The following EPHA6 variants were observed in gnomAD, a reference collection of about 807,000 sequenced individuals.
EPHA6 encodes ephrin type-A receptor 6.
In EPHA6, 50 loss-of-function variants were observed where a neutral mutation model predicts 112.0. That is an observed-to-expected ratio of 0.45 (90% CI 0.36 to 0.56). The LOEUF (loss-of-function observed/expected upper bound fraction) is 0.56, where lower values mean the gene tolerates loss of function less well. Ranked by LOEUF, EPHA6 falls within the 20% of genes least tolerant of loss-of-function variation. EPHA6 has a pLI of 0.00. For synonymous variants in EPHA6, 529 were observed against 490.7 expected (o/e 1.08, Z -1.03); for missense variants, 1,280 against 1,417.4 (o/e 0.90, Z 1.56).
rs1456196578 is a variant in EPHA6 at position 96,891,716 on chromosome 3, TAAATAA to T, written c.450+24841_450+24846del. ...AAGAGTGGAACTGTCTCAAAATAAA[TAAATAA>T]AAATAAAAATAAATGCTGGTGATAT... On this transcript the variant is annotated intron_variant, in intron 2 of 17. Coordinates refer to ENST00000389672, the MANE Select transcript of EPHA6 (RefSeq NM_001080448.3). 9.2e-5 allele frequency among the ~76,000 whole-genome samples: 14 copies of T among 151,902 alleles called. 1 individual carries two copies. The highest frequency in any genetic ancestry group is 9.2e-4 in the Admixed American group (14 of 15,262).
intron 12 of EPHA6, among the ~76,000 whole-genome samples, chr3:97,603,248 G>A (rs960577811): frequency 3.9e-5 from 6 of 151,908 alleles, no homozygotes; most frequent in Admixed American, 3.3e-4. Context: ...TAGCAGGAAG[G>A]AGGACATCAC....
At chr3:97,414,225 A>C (rs997049129) in intron 6 of EPHA6, among the ~76,000 whole-genome samples, 6 of 152,110 alleles carry the variant, frequency 3.9e-5, no homozygotes, top group Non-Finnish European at 8.8e-5. Context: ...TTTTTTATAT[A>C]GATTTGTATT....
chr3:97,091,478 A>G (rs750492581), intron 3 of EPHA6, among the ~76,000 whole-genome samples: 3 of 152,142 alleles, frequency 2.0e-5, no homozygotes, highest in African/African-American at 7.2e-5. Context: ...ATGTAAAGCT[A>G]TTTGTGGAGA....
intron 3 of EPHA6, among the ~76,000 whole-genome samples, chr3:96,994,759 A>AGAGAGAGC (rs763682996): frequency 0.03 from 3,471 of 115,694 alleles, 74 homozygotes; most frequent in Middle Eastern, 0.041. Context: ...AGAGAGAGAG[A>AGAGAGAGC]GAGCTATATA....
Position 97,749,978 on chromosome 3 carries a change from T to C in EPHA6, c.*1277T>C, listed in dbSNP as rs1220262998. Among the ~76,000 whole-genome samples the C allele has an allele frequency of 1.3e-5, 2 of 152,134 alleles. No individual in the cohort carries two copies. The highest frequency in any genetic ancestry group is 2.9e-5 in the Non-Finnish European group (2 of 68,020). ...ACATAAAAATGAGAACACAGCTGTGTTGTCATAATCTTCTGAGAGGCTTAA... is the reference window on the plus strand; with the variant it reads ...ACATAAAAATGAGAACACAGCTGTGCTGTCATAATCTTCTGAGAGGCTTAA... On this transcript the variant is annotated 3_prime_UTR_variant, in exon 18 of 18. Transcript: ENST00000389672.
intron 11 of EPHA6, among the ~76,000 whole-genome samples, chr3:97,573,334 G>C (rs187854959): frequency 6.6e-6 from 1 of 152,276 alleles, no homozygotes; most frequent in East Asian, 1.9e-4. Flanking sequence ...TGTGCCTTTA[G>C]ATTATATGAA....
intron 2 of EPHA6, among the ~76,000 whole-genome samples, chr3:96,877,135 C>T (rs1406933335): frequency 3.3e-5 from 5 of 152,066 alleles, no homozygotes; most frequent in African/African-American, 9.7e-5. Flanking sequence ...TATTTTGCAA[C>T]TCTCATTGGA....
At chr3:97,537,479 C>T (rs1440507746) in intron 11 of EPHA6, among the ~76,000 whole-genome samples, 1 of 152,060 alleles carries the variant, frequency 6.6e-6, no homozygotes, top group Non-Finnish European at 1.5e-5. Context: ...TCATTATTTC[C>T]CAATATGGTG....
chr3:96,873,393 A>G (rs538791819), intron 2 of EPHA6, among the ~76,000 whole-genome samples: 16 of 152,230 alleles, frequency 1.1e-4, no homozygotes, highest in African/African-American at 3.8e-4. Context: ...ACTTGTTACA[A>G]TGGAGAAGCT....
rs1004848 is a variant in EPHA6, at chr3:97,733,521, T to A, written c.2935-2404T>A. Among the ~76,000 whole-genome samples, 328 of 152,204 alleles carry A rather than the reference T, an allele frequency of 2.2e-3. 2 individuals carry two copies. The highest frequency in any genetic ancestry group is 7.6e-3 in the African/African-American group (315 of 41,558). On this transcript the variant is annotated intron_variant, in intron 15 of 17. Coordinates refer to ENST00000389672, the MANE Select transcript of EPHA6 (RefSeq NM_001080448.3). ...CCTCTATCAAGACAAATCCAAAAAT[T>A]TCTTCTAATAGCATTTGTTTAGGTC...
chr3:97,744,611 G>C (rs1467590580), intron 16 of EPHA6, among the ~76,000 whole-genome samples: 1 of 151,984 alleles, frequency 6.6e-6, no homozygotes, highest in Non-Finnish European at 1.5e-5. Flanking sequence ...TGGTATTAAA[G>C]CATTCTGGAA....
At chr3:97,054,962 C>G (rs1404470250) in intron 3 of EPHA6, among the ~76,000 whole-genome samples, 1 of 152,002 alleles carries the variant, frequency 6.6e-6, no homozygotes, top group Non-Finnish European at 1.5e-5. Context: ...AAAATTTCCC[C>G]CCTTTGGGAA....
At chr3:96,900,540 A>T in intron 2 of EPHA6, among the ~76,000 whole-genome samples, 1 of 152,222 alleles carries the variant, frequency 6.6e-6, no homozygotes, top group East Asian at 1.9e-4. Flanking sequence ...ATGGATAGGG[A>T]GGGCCAATTA....
chr3:97,498,590 G>A (rs2092040736), intron 10 of EPHA6, among the ~76,000 whole-genome samples: 1 of 152,118 alleles, frequency 6.6e-6, no homozygotes, highest in African/African-American at 2.4e-5. Context: ...GGCCTGGTAA[G>A]GGTCACTTGT....
chr3:97,363,409 AAT>A (rs1467286703), intron 5 of EPHA6, among the ~76,000 whole-genome samples: 2 of 150,950 alleles, frequency 1.3e-5, no homozygotes, highest in Non-Finnish European at 3.0e-5. Flanking sequence ...ACATCTCACA[AAT>A]TCCCCCTGGT....
At chr3:96,936,621 T>G (rs955777543) in intron 2 of EPHA6, among the ~76,000 whole-genome samples, 1 of 151,914 alleles carries the variant, frequency 6.6e-6, no homozygotes, top group African/African-American at 2.4e-5. Context: ...ATTTTATTAT[T>G]ATTATACTTT....
At chr3:97,361,637 G>C (rs1238617162) in intron 5 of EPHA6, among the ~76,000 whole-genome samples, 2 of 152,142 alleles carry the variant, frequency 1.3e-5, no homozygotes, top group Admixed American at 1.3e-4. Flanking sequence ...GCAAGAAGTT[G>C]AGCATGCTAG....
At chr3:97,024,192 C>T (rs2044558486) in intron 3 of EPHA6, among the ~76,000 whole-genome samples, 1 of 137,896 alleles carries the variant, frequency 7.3e-6, no homozygotes, top group Non-Finnish European at 1.7e-5. Flanking sequence ...TCTTACTTCT[C>T]AACCATATCT....
chr3:97,211,139 A>G (rs914094221), intron 3 of EPHA6, among the ~76,000 whole-genome samples: 2 of 152,226 alleles, frequency 1.3e-5, no homozygotes, highest in Non-Finnish European at 2.9e-5. Context: ...AGAGAAGAGA[A>G]CGGAGGCCTA....
Sources: gnomAD v4.1 joint callset for allele counts (sites outside exome capture counted in the v4.1 genomes callset) on GRCh38, gnomAD v4.1.1 for gene constraint, MANE v1.5 for transcripts, NCBI Gene and HGNC (gene_info 2026-07-23, HGNC 2026-07-21) for gene names.